Variants in NAB2 observed in about 807,000 individuals in gnomAD.
NAB2 encodes the protein NGFI-A binding protein 2.
Under a neutral mutation model 44.2 loss-of-function variants are expected in NAB2, and 9 were observed. The observed-to-expected ratio is 0.20, with a 90% CI of 0.12 to 0.36. The LOEUF is 0.36. NAB2 is among the 10% of genes least tolerant of loss of function. The pLI is 1.00. For missense variants in NAB2, 514 were observed against 709.0 expected, an observed-to-expected ratio of 0.73 and a Z score of 3.12; for synonymous variants, 342 against 291.0, an observed-to-expected ratio of 1.18 and a Z score of -1.78.
chr12:57,089,198 G>C lies in NAB2; in HGVS notation c.-74G>C. 1 of 1,445,780 alleles carries C rather than the reference G, an allele frequency of 6.9e-7. No homozygotes were observed. Among genetic ancestry groups the C allele is most frequent in the Non-Finnish European group, 9.5e-7 (1 of 1,057,848 alleles). 89.6% of individuals were successfully genotyped at this position (1,445,780 alleles called of 1,614,324 possible). A position where few individuals can be genotyped will look rare whatever the true frequency, so the allele number is the denominator to read the frequency against. ...GCGGTGGACACGGCATCGTGCGCGG[G>C]GAAGAGGGCAGCACGCAGCAGGCGC... On this transcript the variant is annotated 5_prime_UTR_variant, in exon 1 of 7. Transcript: ENST00000300131.
intron 1 of NAB2, among the ~76,000 whole-genome samples, chr12:57,090,211 C>G (rs1164094965): frequency 6.6e-6 from 1 of 152,146 alleles, no homozygotes; most frequent in African/African-American, 2.4e-5. Flanking sequence ...GCCGGGCGGG[C>G]CCGGTGGCTC....
At chr12:57,093,699 T>C in intron 6 of NAB2, 101 bp downstream of exon 6, 1 of 1,257,116 alleles carries the variant, frequency 8.0e-7, no homozygotes, top group East Asian at 2.8e-5. Context: ...AGGGATATAG[T>C]CGTCAGAGAG....
chr12:57,094,221 G>T (rs920819131), intron 6 of NAB2, among the ~76,000 whole-genome samples: 1 of 150,606 alleles, frequency 6.6e-6, no homozygotes, highest in African/African-American at 2.5e-5. Flanking sequence ...AAAAACTTGG[G>T]GGGCCATGGT....
chr12:57,091,425 C>T lies in NAB2; in HGVS notation c.384C>T (p.Phe128=). Residue 128 remains phenylalanine (F), a synonymous_variant, in exon 2 of 7, where the codon TTC becomes TTT. Coordinates refer to ENST00000300131, the MANE Select transcript of NAB2 (RefSeq NM_005967.4). The surrounding 1 kb of genome is among the most constrained non-coding windows in gnomAD (Gnocchi z 7.3). The part of the protein sequence containing the change: ...PAVPVSSIPL[F]KISETAGTRK... ...TTCCCGTCTCCAGCATCCCGCTCTT[C>T]AAGATCTCTGAGACTGCGGGTACCC... is the stretch of plus-strand genomic sequence containing the variant. 1.2e-6 allele frequency: 2 copies of T among 1,614,230 alleles called. No individual in the cohort carries two copies. The highest frequency in any genetic ancestry group is 8.5e-7 in the Non-Finnish European group (1 of 1,180,046).
intron 5 of NAB2, 30 bp from the exon 6 acceptor site, chr12:57,093,377 C>T: frequency 6.6e-7 from 1 of 1,520,086 alleles, no homozygotes; most frequent in Non-Finnish European, 8.8e-7. Flanking sequence ...TGGCTGCAGC[C>T]CCTTACCTGA....
Position 57,092,544 on chromosome 12 carries a change from C to A in NAB2, c.1054C>A (p.Arg352=). Residue 352 remains arginine (R), a synonymous_variant, in exon 3 of 7, where the codon CGA becomes AGA. Transcript: ENST00000300131. ...CTTCTCTTTGTCCCGCCAAGTAGCC[C>A]GAGAGAGCACCTACTTGTCCTCCTT... ...ELFSLSRQVA[R]ESTYLSSLKG... 1.9e-6 allele frequency: 3 copies of A among 1,614,148 alleles called. No individual in the cohort carries two copies. Among genetic ancestry groups the A allele is most frequent in the Non-Finnish European group, 2.5e-6 (3 of 1,180,034 alleles).
intron 1 of NAB2, among the ~76,000 whole-genome samples, 160 bp from the exon 2 acceptor site, chr12:57,090,965 C>T (rs1380460712): frequency 6.6e-6 from 1 of 152,216 alleles, no homozygotes; most frequent in East Asian, 1.9e-4. Flanking sequence ...GTGCCTGATT[C>T]TGAGAGTCTG....
In NAB2 at chr12:57,091,221, C is replaced by T; in HGVS notation, c.180C>T (p.Thr60=). 2 of 1,589,812 alleles carry T rather than the reference C, an allele frequency of 1.3e-6. No individual in the cohort carries two copies. Among genetic ancestry groups the T allele is most frequent in the Non-Finnish European group, 1.7e-6 (2 of 1,164,214 alleles). ...QRANLLSYYE[T]FIQQGGDDVQ... ...CCAACCTCCTTTCCTACTATGAGAC[C>T]TTCATCCAGCAGGGAGGGGACGACG... The change falls in exon 2 of 7, where the codon ACC becomes ACT. Residue 60 remains threonine, a synonymous_variant. Coordinates refer to ENST00000300131, the MANE Select transcript of NAB2 (RefSeq NM_005967.4). The surrounding 1 kb of genome is among the most constrained non-coding windows in gnomAD (Gnocchi z 7.3).
rs1225448925 is a variant in NAB2 at position 57,094,947 on chromosome 12, G to C, written c.*226G>C. ...TGCGTGGTGCCCTCACCCCTGCCCAGAGCGAGGGGGCAAGGACTCTGCCTC... is the reference window on the plus strand; with the variant it reads ...TGCGTGGTGCCCTCACCCCTGCCCACAGCGAGGGGGCAAGGACTCTGCCTC... On this transcript the variant is annotated 3_prime_UTR_variant, in exon 7 of 7. Transcript: ENST00000300131. The C allele has an allele frequency of 1.8e-6, 1 of 550,894 alleles. No homozygotes were observed. Among genetic ancestry groups the C allele is most frequent in the Non-Finnish European group, 3.2e-6 (1 of 310,210 alleles). The allele number at this position is 550,894 out of a possible 1,614,324, so 34.1% of individuals were successfully genotyped here.
At chr12:57,090,990 C>A (rs2033173449) in intron 1 of NAB2, 135 bp from the exon 2 acceptor site, 2 of 720,998 alleles carry the variant, frequency 2.8e-6, no homozygotes, top group Non-Finnish European at 4.4e-6. Flanking sequence ...CAGACCTGGG[C>A]ACTGGGCAGG....
At position 57,093,560 on chromosome 12, in the gene NAB2, G is replaced by A. The variant is rs920868002; in HGVS notation, c.1430G>A (p.Arg477His). Residue 477 changes from arginine (R) to histidine (H), a missense_variant, in exon 6 of 7, where the codon CGC becomes CAC. By Grantham distance (29) the Arg-to-His change is conservative. Transcript: ENST00000300131. ...CTCGTCTCCCACGACCGCGTGGGCC[G>A]CCTCAGCCCCTGTGTGCCTGCGAAG... Reference protein sequence around the residue: ...ARLVSHDRVGRLSPCVPAKPP... With the variant: ...ARLVSHDRVGHLSPCVPAKPP... 10 of 1,541,110 alleles carry A rather than the reference G, an allele frequency of 6.5e-6. No homozygotes were observed. In the East Asian group the frequency reaches 9.8e-5, roughly 15 times the overall value.
At chr12:57,090,342 G>A (rs941657641) in intron 1 of NAB2, among the ~76,000 whole-genome samples, 23 of 152,120 alleles carry the variant, frequency 1.5e-4, no homozygotes, top group African/African-American at 5.6e-4. Flanking sequence ...AAATTAGCCG[G>A]GCATGGTGGC....
intron 6 of NAB2, 119 bp downstream of exon 6, chr12:57,093,717 G>A: frequency 8.9e-7 from 1 of 1,118,992 alleles, no homozygotes; most frequent in Non-Finnish European, 1.2e-6. Context: ...GAGGGCAGTA[G>A]GATGGCTGGG....
chr12:57,092,421 ACT>A (rs770969481), intron 2 of NAB2, 25 bp from the exon 3 acceptor site: 453 of 1,610,062 alleles, frequency 2.8e-4, no homozygotes, highest in Non-Finnish European at 3.4e-4. Context: ...TCGAATTCTG[ACT>A]CTCCTGGCTG....
chr12:57,092,131 C>G (rs2033203708), intron 2 of NAB2, 133 bp downstream of exon 2: 4 of 1,405,086 alleles, frequency 2.8e-6, no homozygotes, highest in Non-Finnish European at 3.7e-6. Context: ...ATCCCCTCCC[C>G]AACAGGCCCC....
chr12:57,090,591 ACCCT>A (rs2033165979), intron 1 of NAB2, among the ~76,000 whole-genome samples: 1 of 152,212 alleles, frequency 6.6e-6, no homozygotes. Context: ...AAGGTGCCAC[ACCCT>A]CCCTTTTAGC....
intron 2 of NAB2, 77 bp downstream of exon 2, chr12:57,092,075 T>C: frequency 6.6e-7 from 1 of 1,516,638 alleles, no homozygotes; most frequent in Admixed American, 2.2e-5. Context: ...GTTTCTACAG[T>C]CTCCGACTAT....
At chr12:57,090,966 TGA>T (rs1258554312) in intron 1 of NAB2, among the ~76,000 whole-genome samples, 157 bp from the exon 2 acceptor site, 2 of 152,222 alleles carry the variant, frequency 1.3e-5, no homozygotes, top group East Asian at 3.8e-4. Context: ...TGCCTGATTC[TGA>T]GAGTCTGTAC....
At chr12:57,093,713 A>G in intron 6 of NAB2, 115 bp downstream of exon 6, 3 of 1,160,304 alleles carry the variant, frequency 2.6e-6, no homozygotes, top group South Asian at 3.4e-5. Flanking sequence ...CAGAGAGGGC[A>G]GTAGGATGGC....
Sources: allele counts gnomAD v4.1 joint callset (sites outside exome capture counted in the v4.1 genomes callset), GRCh38; gene constraint gnomAD v4.1.1; non-coding constraint Gnocchi (gnomAD v3.1); transcripts MANE v1.5; gene names NCBI Gene and HGNC (gene_info 2026-07-23, HGNC 2026-07-21).